PTPRT: variants seen among roughly 807,000 people sequenced by gnomAD.
PTPRT encodes protein tyrosine phosphatase receptor type T, also known as receptor-type tyrosine-protein phosphatase T.
PTPRT carries 56 observed loss-of-function variants against 176.8 expected under a neutral mutation model. The ratio of observed to expected loss-of-function variants is 0.32; its 90% CI spans 0.26 to 0.40. The LOEUF (loss-of-function observed/expected upper bound fraction) is 0.40, where lower values mean the gene tolerates loss of function less well. PTPRT is among the 10% of genes least tolerant of loss of function. The pLI is 1.00. For missense variants in PTPRT, 1,540 were observed against 1,908.2 expected (o/e 0.81, Z 3.60); for synonymous variants, 783 against 739.0 (o/e 1.06, Z -0.96).
chr20:42,910,454 G>A (rs2079530495), intron 1 of PTPRT, among the ~76,000 whole-genome samples: 1 of 152,252 alleles, frequency 6.6e-6, no homozygotes, highest in Admixed American at 6.5e-5. Flanking sequence ...ATGTAAGATA[G>A]GGAAACTCTG....
chr20:42,237,567 C>G (rs562375130), intron 14 of PTPRT, among the ~76,000 whole-genome samples: 1 of 152,326 alleles, frequency 6.6e-6, no homozygotes, highest in Middle Eastern at 3.4e-3. Context: ...CTATTTTATA[C>G]TTTGAAGTTT....
At chr20:42,563,517 T>C (rs1002128546) in intron 7 of PTPRT, among the ~76,000 whole-genome samples, 13 of 152,112 alleles carry the variant, frequency 8.5e-5, no homozygotes, top group Non-Finnish European at 1.8e-4. Flanking sequence ...CCCAAGGAAA[T>C]GGTTGTATAT....
intron 9 of PTPRT, among the ~76,000 whole-genome samples, chr20:42,363,404 G>A (rs1414673213): frequency 6.3e-5 from 9 of 142,330 alleles, no homozygotes; most frequent in African/African-American, 1.1e-4. Context: ...TCCGCCTCCC[G>A]GGTACAAGCA....
chr20:42,375,353 T>A (rs2058638274), intron 9 of PTPRT, among the ~76,000 whole-genome samples: 1 of 152,176 alleles, frequency 6.6e-6, no homozygotes, highest in East Asian at 1.9e-4. Context: ...TGAATTCATG[T>A]TCAAACTTAA....
chr20:43,146,094 A>C (rs2014158798), intron 1 of PTPRT, among the ~76,000 whole-genome samples: 1 of 152,206 alleles, frequency 6.6e-6, no homozygotes, highest in African/African-American at 2.4e-5. Context: ...CATATATTAG[A>C]AAAGTCGATT....
At chr20:42,578,874 C>A (rs961023690) in intron 7 of PTPRT, among the ~76,000 whole-genome samples, 2 of 149,366 alleles carry the variant, frequency 1.3e-5, no homozygotes, top group Non-Finnish European at 1.5e-5. Context: ...CTTACAATGG[C>A]CTTTGAGTCT....
At chr20:42,236,144 A>G in intron 15 of PTPRT, 85 bp downstream of exon 15, 1 of 1,199,114 alleles carries the variant, frequency 8.3e-7, no homozygotes, top group Non-Finnish European at 1.2e-6. Context: ...TGAGAAACTA[A>G]CAGACACTTG....
Position 43,021,463 on chromosome 20 carries a change from A to G in PTPRT, c.89-135531T>C, listed in dbSNP as rs532743565. ...GAGCCCACCCACCTTGGAAACCAAC[A>G]GTGGACGTGAACTCAGTTGGATGGG... On this transcript the variant is annotated intron_variant, in intron 1 of 30. Transcript: ENST00000373187. 2.6e-5 allele frequency among the ~76,000 whole-genome samples: 4 copies of G among 152,194 alleles called. No individual in the cohort carries two copies. The South Asian group carries it at 6.2e-4, about 24-fold the overall frequency.
chr20:42,811,986 C>T (rs2077703823), intron 2 of PTPRT, among the ~76,000 whole-genome samples: 1 of 152,062 alleles, frequency 6.6e-6, no homozygotes, highest in Non-Finnish European at 1.5e-5. Context: ...TTGAACTATG[C>T]TTTCTTTCCC....
intron 12 of PTPRT, among the ~76,000 whole-genome samples, chr20:42,303,364 T>C (rs2057498008): frequency 6.6e-6 from 1 of 152,174 alleles, no homozygotes; most frequent in Non-Finnish European, 1.5e-5. Context: ...CTGAGGGACT[T>C]AGGCTGGCCA....
intron 7 of PTPRT, among the ~76,000 whole-genome samples, chr20:42,484,072 C>T (rs754897802): frequency 6.6e-6 from 1 of 152,186 alleles, no homozygotes; most frequent in African/African-American, 2.4e-5. Context: ...TCTTTTCAAC[C>T]CTGGCAGTAG....
chr20:42,840,218 G>A (rs940461251), intron 2 of PTPRT, among the ~76,000 whole-genome samples: 22 of 69,270 alleles, frequency 3.2e-4, no homozygotes, highest in Non-Finnish European at 5.6e-4. Context: ...CTCTGCCTGC[G>A]TTGTCACGTT....
At chr20:42,779,791 G>T (rs2077188236) in intron 4 of PTPRT, among the ~76,000 whole-genome samples, 1 of 151,586 alleles carries the variant, frequency 6.6e-6, no homozygotes, top group Admixed American at 6.6e-5. Flanking sequence ...TAACTTCAGG[G>T]TACTTTTCCC....
chr20:42,473,829 C>T (rs148323441), intron 7 of PTPRT, among the ~76,000 whole-genome samples: 8 of 152,166 alleles, frequency 5.3e-5, no homozygotes, highest in Non-Finnish European at 1.0e-4. Context: ...GATAGATACA[C>T]CCAGAAATTC....
intron 1 of PTPRT, among the ~76,000 whole-genome samples, chr20:42,945,396 C>T (rs749524136): frequency 3.9e-5 from 6 of 152,140 alleles, no homozygotes; most frequent in Non-Finnish European, 7.4e-5. Flanking sequence ...CATTTAAATC[C>T]GGCCACTGAG....
chr20:42,940,957 C>T (rs527996779), intron 1 of PTPRT, among the ~76,000 whole-genome samples: 11 of 152,020 alleles, frequency 7.2e-5, no homozygotes. Flanking sequence ...TGGCGCGCGC[C>T]TGTAGTCCCA....
chr20:43,014,247 A>G (rs1343280330), intron 1 of PTPRT, among the ~76,000 whole-genome samples: 1 of 152,158 alleles, frequency 6.6e-6, no homozygotes, highest in Non-Finnish European at 1.5e-5. Context: ...CCTCCTCTCC[A>G]AGTCTGTCGC....
intron 9 of PTPRT, among the ~76,000 whole-genome samples, chr20:42,387,651 AT>A (rs1420696190): frequency 6.6e-6 from 1 of 152,118 alleles, no homozygotes; most frequent in Non-Finnish European, 1.5e-5. Flanking sequence ...TATAGGGCAA[AT>A]TTTAGCTTCT....
At chr20:42,479,150 G>C (rs1200596688) in intron 7 of PTPRT, among the ~76,000 whole-genome samples, 1 of 152,114 alleles carries the variant, frequency 6.6e-6, no homozygotes, top group Non-Finnish European at 1.5e-5. Flanking sequence ...CTTAATCAAG[G>C]CAGAACATCT....
Sources: allele counts gnomAD v4.1 joint callset (sites outside exome capture counted in the v4.1 genomes callset), GRCh38; gene constraint gnomAD v4.1.1; transcripts MANE v1.5; gene names NCBI Gene and HGNC (gene_info 2026-07-23, HGNC 2026-07-21).